The following SMYD3 variants were observed in gnomAD, a reference collection of about 807,000 sequenced individuals.
The protein encoded by SMYD3 is SET and MYND domain containing 3.
SMYD3 carries 36 observed loss-of-function variants against 57.7 expected under a neutral mutation model. That is an observed-to-expected ratio of 0.62 (90% CI 0.48 to 0.82). SMYD3 has a LOEUF of 0.82. Ranked by LOEUF, SMYD3 falls within the 40% of genes least tolerant of loss-of-function variation. SMYD3 has a pLI of 0.00. For missense variants in SMYD3, 515 were observed against 538.8 expected (o/e 0.96, Z 0.44); for synonymous variants, 211 against 195.0 (o/e 1.08, Z -0.68).
chr1:246,002,493 T>C (rs1436300035), intron 5 of SMYD3, among the ~76,000 whole-genome samples: 1 of 76,626 alleles, frequency 1.3e-5, no homozygotes, highest in Non-Finnish European at 2.8e-5. Context: ...TAATTTTTTG[T>C]ATTTTTAGTA....
At chr1:246,165,973 T>C (rs1204877395) in intron 5 of SMYD3, among the ~76,000 whole-genome samples, 2 of 152,058 alleles carry the variant, frequency 1.3e-5, no homozygotes, top group Non-Finnish European at 2.9e-5. Flanking sequence ...GATCTACATG[T>C]GCACATCTGA....
At chr1:246,064,890 C>T (rs2060315361) in intron 5 of SMYD3, among the ~76,000 whole-genome samples, 1 of 152,198 alleles carries the variant, frequency 6.6e-6, no homozygotes, top group Admixed American at 6.5e-5. Flanking sequence ...TGGTGGTCTT[C>T]CTGTGACCGT....
chr1:245,908,378 C>A (rs1459550668), intron 8 of SMYD3, among the ~76,000 whole-genome samples: 2 of 152,190 alleles, frequency 1.3e-5, no homozygotes, highest in Non-Finnish European at 2.9e-5. Flanking sequence ...GCTAAATAGA[C>A]AGAGAGACCC....
At chr1:246,112,769 T>A (rs2061267635) in intron 5 of SMYD3, among the ~76,000 whole-genome samples, 1 of 152,256 alleles carries the variant, frequency 6.6e-6, no homozygotes. Context: ...AACTATTTCA[T>A]TTAATGCTGT....
chr1:246,086,188 C>A (rs2060718232), intron 5 of SMYD3, among the ~76,000 whole-genome samples: 1 of 151,938 alleles, frequency 6.6e-6, no homozygotes, highest in South Asian at 2.1e-4. Context: ...CACAGCATAC[C>A]TTTCTTAAAG....
intron 5 of SMYD3, among the ~76,000 whole-genome samples, chr1:246,084,207 T>C (rs1224058907): frequency 6.7e-6 from 1 of 150,134 alleles, no homozygotes; most frequent in Non-Finnish European, 1.5e-5. Context: ...TTTTTTTTTT[T>C]TTTTTCTTTT....
At chr1:245,887,878 G>C (rs1163137744) in intron 8 of SMYD3, among the ~76,000 whole-genome samples, 4 of 152,206 alleles carry the variant, frequency 2.6e-5, no homozygotes, top group Admixed American at 2.0e-4. Context: ...CAAAAGGAGA[G>C]AAACAGGGAG....
At chr1:246,093,991 C>T (rs1167329930) in intron 5 of SMYD3, among the ~76,000 whole-genome samples, 2 of 151,988 alleles carry the variant, frequency 1.3e-5, no homozygotes, top group Non-Finnish European at 2.9e-5. Flanking sequence ...CTGCATATAT[C>T]CCCTATGCGG....
intron 5 of SMYD3, among the ~76,000 whole-genome samples, chr1:246,023,564 G>A (rs2059513062): frequency 6.6e-6 from 1 of 152,046 alleles, no homozygotes; most frequent in Non-Finnish European, 1.5e-5. Flanking sequence ...CTTATGTTTT[G>A]TACTTTTCAC....
chr1:245,993,421 A>C (rs1393383683), intron 5 of SMYD3, among the ~76,000 whole-genome samples: 4 of 152,272 alleles, frequency 2.6e-5, no homozygotes, highest in Middle Eastern at 6.8e-3. Flanking sequence ...TAAAAGAAGA[A>C]ACCACGTTTA....
At chr1:246,009,166 A>C (rs974549237) in intron 5 of SMYD3, among the ~76,000 whole-genome samples, 1 of 152,254 alleles carries the variant, frequency 6.6e-6, no homozygotes, top group Non-Finnish European at 1.5e-5. Flanking sequence ...ATGTGAAACC[A>C]CGCTCAAAGT....
At chr1:245,813,802 T>C (rs1221453903) in intron 10 of SMYD3, among the ~76,000 whole-genome samples, 1 of 145,942 alleles carries the variant, frequency 6.9e-6, no homozygotes, top group Non-Finnish European at 1.5e-5. Context: ...TGAGTTTAGA[T>C]GGCCTCAGAA....
At chr1:246,128,030 T>C (rs1023376796) in intron 5 of SMYD3, among the ~76,000 whole-genome samples, 1 of 152,280 alleles carries the variant, frequency 6.6e-6, no homozygotes, top group East Asian at 1.9e-4. Flanking sequence ...CATTTATTAT[T>C]ATCATCAACT....
chr1:246,176,581 C>T (rs779151501), intron 5 of SMYD3, among the ~76,000 whole-genome samples: 2 of 152,134 alleles, frequency 1.3e-5, no homozygotes, highest in African/African-American at 2.4e-5. Flanking sequence ...AATGCAGTGG[C>T]GCAAGATCAC....
intron 8 of SMYD3, among the ~76,000 whole-genome samples, chr1:245,868,774 C>A (rs1025493877): frequency 6.6e-6 from 1 of 152,188 alleles, no homozygotes; most frequent in East Asian, 1.9e-4. Flanking sequence ...CAGGTTCCAA[C>A]TTCCCCTGAC....
intron 10 of SMYD3, among the ~76,000 whole-genome samples, chr1:245,845,707 C>T (rs375808918): frequency 7.2e-5 from 11 of 152,218 alleles, no homozygotes; most frequent in African/African-American, 2.4e-4. Context: ...CAGTGCATAA[C>T]ATAATGGCGG....
intron 1 of SMYD3, among the ~76,000 whole-genome samples, chr1:246,390,520 T>G (rs2066543355): frequency 6.6e-6 from 1 of 152,132 alleles, no homozygotes. Context: ...TCAAGATTCA[T>G]CCTGTAATCC....
At chr1:245,861,551 G>T (rs941198204) in intron 9 of SMYD3, among the ~76,000 whole-genome samples, 16 of 152,146 alleles carry the variant, frequency 1.1e-4, no homozygotes, top group Non-Finnish European at 1.6e-4. Context: ...AGTCTAACCG[G>T]TGCATGGCAG....
At chr1:246,462,215 TG>T (rs1319627453) in intron 1 of SMYD3, among the ~76,000 whole-genome samples, 2 of 109,638 alleles carry the variant, frequency 1.8e-5, no homozygotes, top group Non-Finnish European at 4.1e-5. Context: ...CGGGGCCTGC[TG>T]GGTACAGTGC....
Sources: gnomAD v4.1 joint callset for allele counts (sites outside exome capture counted in the v4.1 genomes callset) on GRCh38, gnomAD v4.1.1 for gene constraint, MANE v1.5 for transcripts, NCBI Gene and HGNC (gene_info 2026-07-23, HGNC 2026-07-21) for gene names.